DCAF6: variants seen among roughly 807,000 people sequenced by gnomAD.
The protein encoded by DCAF6 is DDB1- and CUL4-associated factor 6.
DCAF6 carries 54 observed loss-of-function variants against 125.1 expected under a neutral mutation model. The ratio of observed to expected loss-of-function variants is 0.43; its 90% CI spans 0.35 to 0.54. The LOEUF is 0.54. Ranked by LOEUF, DCAF6 falls within the 20% of genes least tolerant of loss-of-function variation. The pLI, the probability that DCAF6 is intolerant of heterozygous loss-of-function variation, is 0.01. For missense variants in DCAF6, 934 were observed against 1,161.7 expected (o/e 0.80, Z 2.85); for synonymous variants, 371 against 390.4 (o/e 0.95, Z 0.58).
chr1:167,874,008 A>C, the DCAF6 span, among the ~76,000 whole-genome samples: 7 of 152,178 alleles, frequency 4.6e-5, no homozygotes, highest in African/African-American at 1.7e-4. Flanking sequence ...CCCAGTTGAA[A>C]AATAGGTGAA....
the DCAF6 span, among the ~76,000 whole-genome samples, chr1:167,866,247 A>T: frequency 1.3e-5 from 2 of 152,182 alleles, no homozygotes; most frequent in African/African-American, 2.4e-5. Context: ...AAAATAAGAC[A>T]TCGTAAAGCG....
intron 21 of DCAF6, among the ~76,000 whole-genome samples, chr1:168,073,195 GA>G (rs1307479050): frequency 1.3e-5 from 2 of 152,016 alleles, no homozygotes; most frequent in Non-Finnish European, 1.5e-5. Flanking sequence ...AGAAGAAAAA[GA>G]AAAACAGTAT....
At chr1:168,046,581 T>C (rs566923337) in intron 16 of DCAF6, among the ~76,000 whole-genome samples, 3 of 152,170 alleles carry the variant, frequency 2.0e-5, no homozygotes, top group African/African-American at 7.2e-5. Flanking sequence ...AAACATCTTC[T>C]CTTTACCTGT....
intron 13 of DCAF6, among the ~76,000 whole-genome samples, chr1:168,038,864 A>G (rs558873843): frequency 2.6e-5 from 4 of 152,180 alleles, no homozygotes; most frequent in African/African-American, 9.6e-5. Context: ...GTAGGTGTAT[A>G]TGTATGATTT....
intron 17 of DCAF6, among the ~76,000 whole-genome samples, chr1:168,055,331 GTTTTTTTTTTTTT>G (rs554861802): frequency 0.11 from 3,388 of 31,696 alleles, 843 homozygotes; most frequent in Middle Eastern, 0.17. Flanking sequence ...TCAGGCTTAA[GTTTTTTTTTTTTT>G]TTTTTTTTTT....
the DCAF6 span, chr1:167,899,524 T>C: frequency 2.5e-6 from 4 of 1,614,240 alleles, no homozygotes; most frequent in South Asian, 1.1e-5. Context: ...ATCTGAGCCA[T>C]GTTCTGGGCA....
At chr1:167,899,536 G>A in the DCAF6 span, 2 of 1,614,232 alleles carry the variant, frequency 1.2e-6, no homozygotes, top group Non-Finnish European at 1.7e-6. Flanking sequence ...TTCTGGGCAA[G>A]GCGCACATCG....
the DCAF6 span, among the ~76,000 whole-genome samples, chr1:167,902,996 T>C: frequency 2.0e-5 from 3 of 152,260 alleles, no homozygotes; most frequent in Non-Finnish European, 2.9e-5. Context: ...GGCTTACGCC[T>C]ATAATCCCAG....
At chr1:167,988,260 G>A (rs28602715) in intron 5 of DCAF6, among the ~76,000 whole-genome samples, 4,576 of 152,078 alleles carry the variant, frequency 0.03, 237 homozygotes, top group African/African-American at 0.1. Flanking sequence ...TTCTGGGCTC[G>A]AGTAATCTTC....
At chr1:168,028,922 T>C (rs1224707596) in intron 12 of DCAF6, among the ~76,000 whole-genome samples, 2 of 152,152 alleles carry the variant, frequency 1.3e-5, no homozygotes, top group African/African-American at 2.4e-5. Flanking sequence ...CCATAAATAG[T>C]ATATTTTAAA....
chr1:167,985,184 C>CATGTGT (rs1553223531), intron 4 of DCAF6, among the ~76,000 whole-genome samples: 14 of 147,042 alleles, frequency 9.5e-5, no homozygotes, highest in Non-Finnish European at 2.1e-4. Context: ...CAAACCACGT[C>CATGTGT]GTGTGTGTGT....
intron 12 of DCAF6, among the ~76,000 whole-genome samples, chr1:168,033,192 A>C (rs914610591): frequency 2.6e-5 from 4 of 152,218 alleles, no homozygotes; most frequent in Admixed American, 6.5e-5. Flanking sequence ...CTAATTAAAT[A>C]CATAACAGTT....
At chr1:168,021,268 G>A (rs1412542917) in intron 11 of DCAF6, among the ~76,000 whole-genome samples, 3 of 151,960 alleles carry the variant, frequency 2.0e-5, no homozygotes, top group South Asian at 2.1e-4. Flanking sequence ...GTTTTCTTAC[G>A]GCTCTTAAAT....
At chr1:167,989,112 A>T (rs751467532) in intron 5 of DCAF6, among the ~76,000 whole-genome samples, 1 of 152,180 alleles carries the variant, frequency 6.6e-6, no homozygotes, top group Non-Finnish European at 1.5e-5. Context: ...AAAACCTTTA[A>T]ACATACAGTT....
chr1:167,872,550 G>A, the DCAF6 span, among the ~76,000 whole-genome samples: 1 of 151,714 alleles, frequency 6.6e-6, no homozygotes, highest in Non-Finnish European at 1.5e-5. Flanking sequence ...GGGGACTGTT[G>A]TATGCAGTTT....
At chr1:168,046,648 A>G (rs769995808) in intron 16 of DCAF6, among the ~76,000 whole-genome samples, 1 of 152,108 alleles carries the variant, frequency 6.6e-6, no homozygotes, top group Non-Finnish European at 1.5e-5. Context: ...ACTTAGTTCT[A>G]TTTCTTTCCA....
intron 17 of DCAF6, among the ~76,000 whole-genome samples, chr1:168,052,290 C>T (rs1157697525): frequency 3.1e-4 from 47 of 152,284 alleles, no homozygotes; most frequent in Non-Finnish European, 4.4e-5. Context: ...AAGCTGGTTT[C>T]TGGTTTTATA....
rs949436354 is a variant in DCAF6 at position 168,050,926 on chromosome 1, A to G, written c.2293A>G (p.Ile765Val). Residue 765 changes from isoleucine to valine, a missense_variant, in exon 17 of 22, where the codon ATA becomes GTA. Physicochemically the swap from Ile to Val is conservative, Grantham distance 29 (BLOSUM62 3). Coordinates refer to ENST00000367840, the MANE Select transcript of DCAF6 (RefSeq NM_001198956.2). ...CAGAGGAACAACAATAGGTGATAGA[A>G]TAATGAGGTAATTCAGTATGTTCCT... ...NIRGTTIGDR[I>V]MRRSAVARIQ... is the part of the protein sequence containing the mutation. The G allele has an allele frequency of 1.5e-5, 21 of 1,391,228 alleles. No homozygotes were observed. In the African/African-American group the frequency reaches 2.7e-4, roughly 18 times the overall value. The allele number at this position is 1,391,228 out of a possible 1,614,324, so 86.2% of individuals were successfully genotyped here.
At chr1:167,953,276 TA>T (rs1674262389) in intron 2 of DCAF6, among the ~76,000 whole-genome samples, 1 of 152,240 alleles carries the variant, frequency 6.6e-6, no homozygotes, top group South Asian at 2.1e-4. Flanking sequence ...CTTCTCATTT[TA>T]TTTAGCTCTC....
Sources: gnomAD v4.1 joint callset for allele counts (sites outside exome capture counted in the v4.1 genomes callset) on GRCh38, gnomAD v4.1.1 for gene constraint, MANE v1.5 for transcripts, NCBI Gene and HGNC (gene_info 2026-07-23, HGNC 2026-07-21) for gene names.